Variants in SP100 observed in about 807,000 individuals in gnomAD.
The protein encoded by SP100 is SP100 nuclear body protein.
SP100 carries 84 observed loss-of-function variants against 130.0 expected under a neutral mutation model. The observed-to-expected ratio is 0.65, with a 90% confidence interval of 0.54 to 0.77. The LOEUF (loss-of-function observed/expected upper bound fraction) is 0.77. Ranked by LOEUF, SP100 falls within the 30% of genes least tolerant of loss-of-function variation. The probability of loss-of-function intolerance (pLI) is 0.00; values close to 1 mark genes in which losing one functional copy is unlikely to be tolerated. For missense variants in SP100, 978 were observed against 1,052.2 expected (o/e 0.93, Z 0.97); for synonymous variants, 331 against 351.7 (o/e 0.94, Z 0.66).
At chr2:230,482,552 G>A (rs2065882430) in intron 17 of SP100, among the ~76,000 whole-genome samples, 1 of 151,404 alleles carries the variant, frequency 6.6e-6, no homozygotes, top group Non-Finnish European at 1.5e-5. Context: ...TTCTCATTTG[G>A]ATATTTAATT....
chr2:230,479,129 A>C (rs1003872408), intron 17 of SP100, among the ~76,000 whole-genome samples: 1 of 152,170 alleles, frequency 6.6e-6, no homozygotes, highest in African/African-American at 2.4e-5. Context: ...CCTAGGATGC[A>C]TATAGATTTT....
At chr2:230,472,194 C>T (rs1019886746) in intron 15 of SP100, among the ~76,000 whole-genome samples, 3 of 151,854 alleles carry the variant, frequency 2.0e-5, no homozygotes, top group African/African-American at 7.3e-5. Context: ...TTTGGGAGGC[C>T]GAGGTGGGCG....
At chr2:230,427,803 A>C (rs1194044208) in intron 2 of SP100, among the ~76,000 whole-genome samples, 1 of 152,206 alleles carries the variant, frequency 6.6e-6, no homozygotes, top group Non-Finnish European at 1.5e-5. Context: ...ACAACTTCAA[A>C]CACATACAAA....
At chr2:230,518,789 AAT>A (rs1244890707) in intron 24 of SP100, among the ~76,000 whole-genome samples, 1 of 152,138 alleles carries the variant, frequency 6.6e-6, no homozygotes, top group Non-Finnish European at 1.5e-5. Context: ...CTTAAAGTTA[AAT>A]ATATGAGTAT....
In SP100 at chr2:230,417,643, G is replaced by T; in HGVS notation, c.85G>T (p.Ala29Ser). 1 of 1,612,852 alleles carries T rather than the reference G, an allele frequency of 6.2e-7. No homozygotes were observed. Among genetic ancestry groups the T allele is most frequent in the Non-Finnish European group, 8.5e-7 (1 of 1,179,612 alleles). Residue 29 changes from alanine to serine, a missense_variant, in exon 2 of 29, where the codon GCA (alanine) becomes TCA (serine). Ala to Ser is a moderately conservative substitution (Grantham distance 99, BLOSUM62 1). Coordinates refer to ENST00000340126, the MANE Select transcript of SP100 (RefSeq NM_001080391.2). Reference protein sequence around the residue: ...PVANEMNHLPAHSHDLQRMFT... With the variant: ...PVANEMNHLPSHSHDLQRMFT... ...AGCAAATGAGATGAACCATCTTCCT[G>T]CACACAGCCACGATTTGCAAAGGTG...
intron 25 of SP100, 145 bp from the exon 26 acceptor site, chr2:230,540,731 G>A: frequency 1.1e-6 from 1 of 943,014 alleles, no homozygotes; most frequent in Non-Finnish European, 1.5e-6. Flanking sequence ...GTCCAAATGG[G>A]GCTCTAGTGC....
intron 25 of SP100, among the ~76,000 whole-genome samples, chr2:230,540,318 G>A (rs1164958082): frequency 6.6e-6 from 1 of 152,170 alleles, no homozygotes; most frequent in African/African-American, 2.4e-5. Flanking sequence ...GAGAAGGTTG[G>A]AGAATGAATC....
rs146596979 is a variant in SP100 at position 230,527,100 on chromosome 2, A to G, written c.2095-12167A>G. Among the ~76,000 whole-genome samples the G allele has an allele frequency of 3.9e-4, 60 of 152,288 alleles. No individual in the cohort carries two copies. The East Asian group carries it at 0.011, about 29-fold the overall frequency. On this transcript the variant is annotated intron_variant, in intron 24 of 28. Coordinates refer to ENST00000340126, the MANE Select transcript of SP100 (RefSeq NM_001080391.2). ...CACCACAAAAATACTCCTTGAGAAG[A>G]GCAACCAGAAGACACGTAAATGTCA...
chr2:230,498,757 C>T (rs1420541711), intron 19 of SP100, among the ~76,000 whole-genome samples: 1 of 152,286 alleles, frequency 6.6e-6, no homozygotes, highest in East Asian at 1.9e-4. Context: ...CCAGGAGCTG[C>T]TTGCAGTGCT....
intron 12 of SP100, 144 bp downstream of exon 12, chr2:230,466,498 G>T: frequency 1.7e-6 from 1 of 593,234 alleles, no homozygotes. Context: ...AAATTTCAAT[G>T]GTTCCTATTT....
chr2:230,478,559 T>C (rs1203919257), intron 17 of SP100, among the ~76,000 whole-genome samples: 2 of 152,232 alleles, frequency 1.3e-5, no homozygotes, highest in African/African-American at 2.4e-5. Flanking sequence ...TTTAACACTT[T>C]GTCAAATCAG....
At chr2:230,504,561 G>A (rs2067215072) in intron 21 of SP100, among the ~76,000 whole-genome samples, 1 of 152,192 alleles carries the variant, frequency 6.6e-6, no homozygotes, top group Non-Finnish European at 1.5e-5. Context: ...TCCCAGTGGA[G>A]TCATGCAGGA....
chr2:230,416,405 C>A, intron 1 of SP100, 77 bp downstream of exon 1: 1 of 1,253,992 alleles, frequency 8.0e-7, no homozygotes, highest in Non-Finnish European at 1.2e-6. Flanking sequence ...TCAGTTTGTG[C>A]CTAAGGCTTC....
rs554149145 is a variant in SP100 at position 230,520,325 on chromosome 2, C to A, written c.2094+9159C>A. 2.0e-5 allele frequency among the ~76,000 whole-genome samples: 3 copies of A among 152,264 alleles called. No homozygotes were observed. In the East Asian group the frequency reaches 5.8e-4, roughly 29 times the overall value. ...GTTTCTTAACTTCAGAGCAAGACTG[C>A]CCTCCCTCATGCACTCAAAAATGAG... On this transcript the variant is annotated intron_variant, in intron 24 of 28. Coordinates refer to ENST00000340126, the MANE Select transcript of SP100 (RefSeq NM_001080391.2).
chr2:230,526,052 T>C (rs1481919650), intron 24 of SP100, among the ~76,000 whole-genome samples: 1 of 152,104 alleles, frequency 6.6e-6, no homozygotes, highest in Non-Finnish European at 1.5e-5. Context: ...AAGAGAGCAG[T>C]GGTTCTCTCA....
At chr2:230,517,385 G>A (rs983297061) in intron 24 of SP100, among the ~76,000 whole-genome samples, 2 of 152,162 alleles carry the variant, frequency 1.3e-5, no homozygotes, top group Non-Finnish European at 2.9e-5. Flanking sequence ...TTGTATGGAT[G>A]TAAAAATCTT....
chr2:230,486,725 T>G (rs1341150379), intron 17 of SP100, among the ~76,000 whole-genome samples: 1 of 152,280 alleles, frequency 6.6e-6, no homozygotes, highest in East Asian at 1.9e-4. Context: ...ATGGTATTTC[T>G]GGTTCCAGAT....
At chr2:230,514,638 C>T (rs865895584) in intron 24 of SP100, among the ~76,000 whole-genome samples, 6 of 152,136 alleles carry the variant, frequency 3.9e-5, no homozygotes, top group Non-Finnish European at 7.4e-5. Flanking sequence ...TCTTATTGTA[C>T]TTGACCTGAT....
At chr2:230,465,564 G>A (rs1470947383) in intron 11 of SP100, among the ~76,000 whole-genome samples, 1 of 152,116 alleles carries the variant, frequency 6.6e-6, no homozygotes, top group Non-Finnish European at 1.5e-5. Flanking sequence ...CACAAAGAAG[G>A]AAACAGCAGA....
Sources: gnomAD v4.1 joint callset for allele counts (sites outside exome capture counted in the v4.1 genomes callset) on GRCh38, gnomAD v4.1.1 for gene constraint, MANE v1.5 for transcripts, NCBI Gene and HGNC (gene_info 2026-07-23, HGNC 2026-07-21) for gene names.